The following SLC2A7 variants were observed in gnomAD, a reference collection of about 807,000 sequenced individuals.
The protein encoded by SLC2A7 is solute carrier family 2, facilitated glucose transporter member 7.
SLC2A7 carries 50 observed loss-of-function variants against 50.5 expected under a neutral mutation model. The ratio of observed to expected loss-of-function variants is 0.99; its 90% CI spans 0.79 to 1.25. SLC2A7 has a LOEUF of 1.25. Among genes scored for constraint, SLC2A7 ranks in the 50% most tolerant of loss-of-function variants. SLC2A7 has a pLI of 0.00. For missense variants in SLC2A7, 683 were observed against 679.1 expected (o/e 1.01, Z -0.06); for synonymous variants, 308 against 300.4 (o/e 1.03, Z -0.26).
At chr1:9,009,664 T>C (rs10864378) in intron 9 of SLC2A7, among the ~76,000 whole-genome samples, 78,428 of 151,930 alleles carry the variant, frequency 0.52, 22,415 homozygotes, top group African/African-American at 0.76. Flanking sequence ...CACCATGTTG[T>C]TCAGACTGGT....
In SLC2A7 at chr1:9,003,401, T is replaced by C. The variant is rs1259826616; in HGVS notation, c.1438A>G (p.Ile480Val). ...TTCACCCTGTTTCTCTTGGCAAAAA[T>C]GCGGTTTATCTCCACAAATGTTTTG... ...KGKTFVEINR[I>V]FAKRNRVKLP... The change falls in exon 12 of 12, where the codon ATT (isoleucine) becomes GTT (valine). Residue 480 changes from isoleucine to valine, a missense_variant. Physicochemically the swap from Ile to Val is conservative, Grantham distance 29 (BLOSUM62 3). Coordinates refer to ENST00000400906, the MANE Select transcript of SLC2A7 (RefSeq NM_207420.3). The C allele has an allele frequency of 2.0e-5, 33 of 1,614,212 alleles. No homozygotes were observed. The highest frequency in any genetic ancestry group is 2.1e-5 in the Non-Finnish European group (25 of 1,180,044).
chr1:9,010,075 G>T, intron 9 of SLC2A7, 68 bp downstream of exon 9: 1 of 1,450,292 alleles, frequency 6.9e-7, no homozygotes, highest in Non-Finnish European at 9.5e-7. Flanking sequence ...CAGCGGGCCC[G>T]GTTCAGTCAG....
In SLC2A7 at chr1:9,026,391, A is replaced by T. The variant is rs1227735731; in HGVS notation, c.-46T>A. ...AGGTGTGCTCTACCTCCCAAGTGACACCTGCTCTGCGCCAGCCACCTAAAG... is the reference window on the plus strand; with the variant it reads ...AGGTGTGCTCTACCTCCCAAGTGACTCCTGCTCTGCGCCAGCCACCTAAAG... On this transcript the variant is annotated 5_prime_UTR_variant, in exon 1 of 12. Transcript: ENST00000400906. 3.9e-6 allele frequency: 6 copies of T among 1,550,996 alleles called. No homozygotes were observed. The highest frequency in any genetic ancestry group is 5.2e-6 in the Non-Finnish European group (6 of 1,143,128).
intron 5 of SLC2A7, among the ~76,000 whole-genome samples, chr1:9,015,585 G>C (rs1557650600): frequency 6.6e-6 from 1 of 152,176 alleles, no homozygotes; most frequent in Admixed American, 6.5e-5. Context: ...TGGTAGGGCA[G>C]GGCCTGGACC....
At chr1:9,000,725 A>T (rs1355556236), downstream of SLC2A7, among the ~76,000 whole-genome samples, 1 of 151,110 alleles carries the variant, frequency 6.6e-6, no homozygotes, top group East Asian at 1.9e-4. Flanking sequence ...AGCATCTAGC[A>T]AACAGCATGT....
rs1317498482 is a variant in SLC2A7, at chr1:9,026,322, G to A, written c.24C>T (p.Thr8=). The change falls in exon 1 of 12, where the codon ACC becomes ACT. Residue 8 remains threonine, a synonymous_variant. Coordinates refer to ENST00000400906, the MANE Select transcript of SLC2A7 (RefSeq NM_207420.3). Reference sequence around the variant, plus strand: ...CCTCCCTGGATGGAATGGGTGGAGGGGTTCCCGCCTCTTTGTTCTCCATCC... The same window carrying A: ...CCTCCCTGGATGGAATGGGTGGAGGAGTTCCCGCCTCTTTGTTCTCCATCC... MENKEAG[T]PPPIPSREGR... The A allele has an allele frequency of 6.2e-7, 1 of 1,609,214 alleles. No individual in the cohort carries two copies. Among genetic ancestry groups the A allele is most frequent in the African/African-American group, 1.3e-5 (1 of 74,848 alleles).
chr1:9,024,406 G>A (rs1325688866), intron 2 of SLC2A7, among the ~76,000 whole-genome samples: 1 of 152,202 alleles, frequency 6.6e-6, no homozygotes, highest in African/African-American at 2.4e-5. Flanking sequence ...CTGTAGACAT[G>A]CTAATATATG....
intron 2 of SLC2A7, 44 bp downstream of exon 2, chr1:9,024,932 G>A (rs577843538): frequency 6.2e-6 from 10 of 1,601,650 alleles, no homozygotes; most frequent in African/African-American, 5.4e-5. Context: ...CCACGACCCC[G>A]GTCAGCTGCT....
In SLC2A7 at chr1:9,014,854, T is replaced by C; in HGVS notation, c.730A>G (p.Arg244Gly). The change falls in exon 7 of 12, where the codon AGA (arginine) becomes GGA (glycine). Residue 244 changes from arginine to glycine, a missense_variant. Coordinates refer to ENST00000400906, the MANE Select transcript of SLC2A7 (RefSeq NM_207420.3). The part of the protein sequence containing the change: ...ATARQALRRL[R>G]GHTDMEAELE... ...TCGGCCTCCATGTCCGTGTGGCCTC[T>C]CAGCCTCCTCAGAGCTGCGGAAAGC... The C allele has an allele frequency of 6.2e-7, 1 of 1,601,256 alleles. No individual in the cohort carries two copies. The highest frequency in any genetic ancestry group is 8.5e-7 in the Non-Finnish European group (1 of 1,174,744).
At chr1:9,018,201 G>A (rs1640858333) in intron 5 of SLC2A7, 22 bp downstream of exon 5, 8 of 1,613,848 alleles carry the variant, frequency 5.0e-6, no homozygotes, top group Admixed American at 3.3e-5. Context: ...GACCTAGCGT[G>A]ACCTCTGCGG....
At chr1:8,999,577 C>T (rs1414499378), downstream of SLC2A7, among the ~76,000 whole-genome samples, 1 of 152,172 alleles carries the variant, frequency 6.6e-6, no homozygotes, top group African/African-American at 2.4e-5. Context: ...CTCACTCAGC[C>T]CACACTCTGG....
intron 3 of SLC2A7, among the ~76,000 whole-genome samples, chr1:9,021,286 T>C (rs1201740051): frequency 1.3e-5 from 2 of 152,154 alleles, no homozygotes; most frequent in East Asian, 3.9e-4. Flanking sequence ...CTGGGATTAC[T>C]GGCGCGAGCC....
At chr1:8,995,236 CAGG>C in the SLC2A7 span, among the ~76,000 whole-genome samples, 1 of 151,288 alleles carries the variant, frequency 6.6e-6, no homozygotes, top group Non-Finnish European at 1.5e-5. Flanking sequence ...ATCACGAGAT[CAGG>C]AGATCGAGAT....
chr1:9,006,356 T>C (rs907820320), intron 10 of SLC2A7, among the ~76,000 whole-genome samples: 5 of 152,210 alleles, frequency 3.3e-5, no homozygotes, highest in Admixed American at 3.3e-4. Context: ...CAAGTGATTA[T>C]CCTGCCTCAG....
intron 4 of SLC2A7, among the ~76,000 whole-genome samples, chr1:9,018,841 G>A (rs1220685425): frequency 1.6e-5 from 2 of 128,934 alleles, no homozygotes; most frequent in African/African-American, 6.7e-5. Context: ...TGTACTTCAA[G>A]GTGAAAGTGT....
At chr1:9,003,857 A>AAAAAAC (rs1188110574) in intron 11 of SLC2A7, among the ~76,000 whole-genome samples, 1 of 151,906 alleles carries the variant, frequency 6.6e-6, no homozygotes, top group Non-Finnish European at 1.5e-5. Flanking sequence ...GACTGTCTCA[A>AAAAAAC]AAAAACAAAA....
intron 10 of SLC2A7, among the ~76,000 whole-genome samples, chr1:9,005,825 T>A (rs903600646): frequency 5.4e-5 from 8 of 147,324 alleles, no homozygotes; most frequent in African/African-American, 1.8e-4. Flanking sequence ...AAAGGACCGA[T>A]CTCCCTCTCT....
rs972604380 is a variant in SLC2A7, at chr1:9,008,577, A to G, written c.1117-1192T>C. On this transcript the variant is annotated intron_variant, in intron 9 of 11. Transcript: ENST00000400906. The surrounding 1 kb of genome is among the most constrained non-coding windows in gnomAD (Gnocchi z 5.9). ...CCTCTTTTCACTTCCTAGAATCCCT[A>G]AAGGTTCTGCTAAGAACTTATATTG... Among the ~76,000 whole-genome samples the G allele has an allele frequency of 6.7e-6, 1 of 149,842 alleles. No homozygotes were observed. Among genetic ancestry groups the G allele is most frequent in the African/African-American group, 2.5e-5 (1 of 40,716 alleles).
chr1:9,020,352 T>C (rs9803660), intron 3 of SLC2A7, among the ~76,000 whole-genome samples: 35,591 of 152,052 alleles, frequency 0.23, 4,773 homozygotes, highest in East Asian at 0.48. Flanking sequence ...CAGGGAATTC[T>C]TACAATCAGT....
Sources: gnomAD v4.1 joint callset for allele counts (sites outside exome capture counted in the v4.1 genomes callset) on GRCh38, gnomAD v4.1.1 for gene constraint, Gnocchi (gnomAD v3.1) non-coding constraint, MANE v1.5 for transcripts, NCBI Gene and HGNC (gene_info 2026-07-23, HGNC 2026-07-21) for gene names.